The following CRHBP variants were observed in gnomAD, a reference collection of about 807,000 sequenced individuals.
CRHBP encodes corticotropin-releasing hormone-binding protein.
Under a neutral mutation model 34.9 loss-of-function variants are expected in CRHBP, and 19 were observed. The observed-to-expected ratio is 0.55, with a 90% CI of 0.38 to 0.80. The LOEUF is 0.80. Ranked by LOEUF, CRHBP falls within the 30% of genes least tolerant of loss-of-function variation. The pLI is 0.00. For missense variants in CRHBP, 328 were observed against 409.2 expected (o/e 0.80, Z 1.71); for synonymous variants, 154 against 153.4 (o/e 1.00, Z -0.03).
At chr5:76,953,249 C>T (rs1745598749) in intron 1 of CRHBP, 34 bp downstream of exon 1, 1 of 1,598,886 alleles carries the variant, frequency 6.3e-7, no homozygotes, top group Non-Finnish European at 8.6e-7. Context: ...ATCTCACCTT[C>T]CTTGCGTGTT....
chr5:76,954,094 T>A lies in CRHBP; in HGVS notation c.241T>A (p.Cys81Ser), dbSNP rs748564756. 3 of 1,613,980 alleles carry A rather than the reference T, an allele frequency of 1.9e-6. No homozygotes were observed. Among genetic ancestry groups the A allele is most frequent in the Non-Finnish European group, 2.5e-6 (3 of 1,179,936 alleles). The change falls in exon 3 of 7, where the codon TGC (cysteine) becomes AGC (serine). Residue 81 changes from cysteine to serine, a missense_variant. By Grantham distance (112) the Cys-to-Ser change is moderately radical. This residue lies in a region of CRHBP where 173 missense variants were observed against 172.2 expected (regional missense o/e 1.00). Transcript: ENST00000274368. ...CACCGCCGACCGGCCGCAGCTGCAC[T>A]GCGCAGCCTTCTTCATCAGCGAGCC... ...TFTADRPQLH[C>S]AAFFISEPEE...
At chr5:76,963,586 C>A (rs2150707916) in intron 6 of CRHBP, 126 bp downstream of exon 6, 2 of 740,908 alleles carry the variant, frequency 2.7e-6, no homozygotes, top group South Asian at 3.6e-5. Flanking sequence ...TCACACTGAG[C>A]CAGTATGAGG....
rs1456678852 is a variant in CRHBP, at chr5:76,958,613, A to G, written c.545-128A>G. On this transcript the variant is annotated intron_variant, in intron 4 of 6. Coordinates refer to ENST00000274368, the MANE Select transcript of CRHBP (RefSeq NM_001882.4). ...TCTCCAAATTGCTTTTGTGGTATAT[A>G]TGCTCTCTTCCTGGGCAGAAGGCCC... 1.4e-5 allele frequency: 14 copies of G among 1,030,734 alleles called. No individual in the cohort carries two copies. The East Asian group carries it at 3.1e-4, about 23-fold the overall frequency. 63.8% of individuals were successfully genotyped at this position (1,030,734 alleles called of 1,614,324 possible).
chr5:76,955,148 G>T (rs1745648739), intron 3 of CRHBP, among the ~76,000 whole-genome samples: 1 of 152,178 alleles, frequency 6.6e-6, no homozygotes, highest in Admixed American at 6.5e-5. Context: ...AGTAATATGT[G>T]ATGATATTTT....
At chr5:76,974,128 A>AATTAGAGCCTCCCAAGTAGCTGGG (rs1745986304), downstream of CRHBP, among the ~76,000 whole-genome samples, 1 of 151,490 alleles carries the variant, frequency 6.6e-6, no homozygotes, top group South Asian at 2.1e-4. Flanking sequence ...AAGTAGCTGG[A>AATTAGAGCCTCCCAAGTAGCTGGG]ATTACAGCCT....
At chr5:76,967,126 C>A (rs1297663743) in intron 6 of CRHBP, among the ~76,000 whole-genome samples, 2 of 152,082 alleles carry the variant, frequency 1.3e-5, no homozygotes, top group African/African-American at 4.8e-5. Flanking sequence ...ACTGTAATCC[C>A]AGCTACTGGA....
At chr5:76,960,817 T>A (rs1745765925) in intron 5 of CRHBP, among the ~76,000 whole-genome samples, 1 of 151,850 alleles carries the variant, frequency 6.6e-6, no homozygotes, top group African/African-American at 2.4e-5. Context: ...CAGGCTGGAG[T>A]GCAGACATGC....
At position 76,955,607 on chromosome 5, in the gene CRHBP, G is replaced by C. The variant is rs1337994570; in HGVS notation, c.334-46G>C. On this transcript the variant is annotated intron_variant, in intron 3 of 6. Transcript: ENST00000274368. ...CCTTTTCAACTCATTTCAGACTTCA[G>C]GAGTTGATGGAAATGATAGCATCTA... The C allele has an allele frequency of 1.9e-6, 3 of 1,565,278 alleles. No individual in the cohort carries two copies. The South Asian group carries it at 3.4e-5, about 18-fold the overall frequency.
intron 3 of CRHBP, among the ~76,000 whole-genome samples, chr5:76,955,160 A>T (rs80270406): frequency 0.014 from 2,076 of 152,300 alleles, 55 homozygotes; most frequent in African/African-American, 0.047. Context: ...TGATATTTTT[A>T]AAAAATGAGA....
chr5:76,964,960 G>A (rs1268620457), intron 6 of CRHBP, among the ~76,000 whole-genome samples: 1 of 151,586 alleles, frequency 6.6e-6, no homozygotes, highest in East Asian at 1.9e-4. Flanking sequence ...AGACCAGCCT[G>A]GGCAACATGG....
chr5:76,957,379 T>A (rs145211206), intron 4 of CRHBP, among the ~76,000 whole-genome samples: 2,626 of 152,258 alleles, frequency 0.017, 30 homozygotes, highest in Non-Finnish European at 0.024. Context: ...TCTAGACTAA[T>A]TAATGTATTG....
At position 76,976,429 on chromosome 5, in the gene CRHBP, T is replaced by C. The variant is rs554749848; in HGVS notation, n.376T>C. Reference sequence around the variant, plus strand: ...TGGAATGGATGGGATGAGAGATGGATGGGCCCAGCCTTAGAAGCAAGATCT... The same window carrying C: ...TGGAATGGATGGGATGAGAGATGGACGGGCCCAGCCTTAGAAGCAAGATCT... On this transcript the variant is annotated non_coding_transcript_exon_variant, in exon 3 of 4. Transcript: ENST00000514258. 3.9e-5 allele frequency: 6 copies of C among 152,346 alleles called. No homozygotes were observed. The South Asian group carries it at 1.2e-3, about 32-fold the overall frequency. 9.4% of individuals were successfully genotyped at this position (152,346 alleles called of 1,614,324 possible). A position where few individuals can be genotyped will look rare whatever the true frequency, so the allele number is the denominator to read the frequency against.
At chr5:76,975,045 A>C (rs781736098) in intron 2 of CRHBP, among the ~76,000 whole-genome samples, 4 of 152,238 alleles carry the variant, frequency 2.6e-5, no homozygotes, top group African/African-American at 9.6e-5. Context: ...ATGAGCTAGA[A>C]ATAACCATGC....
At chr5:76,967,665 AGTT>A (rs1009797478) in intron 6 of CRHBP, among the ~76,000 whole-genome samples, 2 of 152,136 alleles carry the variant, frequency 1.3e-5, no homozygotes, top group African/African-American at 4.8e-5. Context: ...GAGATATAAA[AGTT>A]GTCAGATCTT....
At chr5:76,953,759 G>A in intron 2 of CRHBP, 65 bp downstream of exon 2, 1 of 1,474,094 alleles carries the variant, frequency 6.8e-7, no homozygotes, top group Non-Finnish European at 9.3e-7. Flanking sequence ...CTGTGCGGGG[G>A]GCAGAGGGCT....
chr5:76,955,543 A>C (rs1263960074), intron 3 of CRHBP, 110 bp from the exon 4 acceptor site: 1 of 890,122 alleles, frequency 1.1e-6, no homozygotes, highest in Non-Finnish European at 1.7e-6. Flanking sequence ...GTCGATTCTC[A>C]CTTATGACTG....
chr5:76,955,879 C>A lies in CRHBP; in HGVS notation c.544+16C>A. 6.2e-7 allele frequency: 1 copy of A among 1,609,930 alleles called. No individual in the cohort carries two copies. Among genetic ancestry groups the A allele is most frequent in the South Asian group, 1.1e-5 (1 of 90,662 alleles). Reference sequence around the variant, plus strand: ...AACCTCTTTCGTAAGTGTTCTCAGTCAAAAGGCAGAACTTCGGATATAGAC... The same window carrying A: ...AACCTCTTTCGTAAGTGTTCTCAGTAAAAAGGCAGAACTTCGGATATAGAC... On this transcript the variant is annotated intron_variant, in intron 4 of 6. Transcript: ENST00000274368.
chr5:76,953,567 G>A, intron 1 of CRHBP, 34 bp from the exon 2 acceptor site: 1 of 1,598,832 alleles, frequency 6.3e-7, no homozygotes, highest in African/African-American at 1.3e-5. Flanking sequence ...CCCAGCCCTT[G>A]AACTTTTCCG....
chr5:76,958,958 T>C (rs1479331934), intron 5 of CRHBP, 69 bp downstream of exon 5: 9 of 1,535,182 alleles, frequency 5.9e-6, no homozygotes, highest in African/African-American at 1.4e-5. Context: ...AGCAATCATA[T>C]AGGGAAAACC....
Sources: allele counts gnomAD v4.1 joint callset (sites outside exome capture counted in the v4.1 genomes callset), GRCh38; gene constraint gnomAD v4.1.1; regional missense constraint gnomAD v4.1.1; transcripts MANE v1.5; gene names NCBI Gene and HGNC (gene_info 2026-07-23, HGNC 2026-07-21).